The following TCF4 variants were observed in gnomAD, a reference collection of about 807,000 sequenced individuals.
TCF4 encodes the protein SL3-3 enhancer factor 2.
In TCF4, 3 loss-of-function variants were observed where a neutral mutation model predicts 82.1. That is an observed-to-expected ratio of 0.04 (90% CI 0.02 to 0.09). The LOEUF is 0.09. TCF4 is among the 10% of genes least tolerant of loss of function. The probability of loss-of-function intolerance (pLI) is 1.00; values close to 1 mark genes in which losing one functional copy is unlikely to be tolerated. For synonymous variants in TCF4, 276 were observed against 309.6 expected, an observed-to-expected ratio of 0.89 and a Z score of 1.14; for missense variants, 518 against 852.7, an observed-to-expected ratio of 0.61 and a Z score of 4.89.
At chr18:55,585,883 ACTCT>A (rs1201716716) in intron 2 of TCF4, 3 of 1,205,484 alleles carry the variant, frequency 2.5e-6, no homozygotes, top group South Asian at 2.0e-5. Context: ...TCTCACTCTC[ACTCT>A]CTCTTTCACT....
chr18:55,290,668 G>A (rs1384340256), intron 8 of TCF4, among the ~76,000 whole-genome samples: 1 of 152,058 alleles, frequency 6.6e-6, no homozygotes, highest in Non-Finnish European at 1.5e-5. Context: ...TTAGTGCTGT[G>A]TTTGTACCTA....
At chr18:55,350,463 A>T in intron 7 of TCF4, 55 bp from the exon 8 acceptor site, 1 of 1,590,402 alleles carries the variant, frequency 6.3e-7, no homozygotes, top group Non-Finnish European at 8.6e-7. Context: ...CCTAACTAAG[A>T]TAGGTTAAAC....
intron 3 of TCF4, among the ~76,000 whole-genome samples, chr18:55,534,326 C>T (rs1413187330): frequency 6.6e-6 from 1 of 152,192 alleles, no homozygotes; most frequent in Non-Finnish European, 1.5e-5. Context: ...TGCAGAGACA[C>T]ACCATAAATG....
chr18:55,521,332 G>A (rs921123115), intron 3 of TCF4, among the ~76,000 whole-genome samples: 1 of 152,150 alleles, frequency 6.6e-6, no homozygotes, highest in Non-Finnish European at 1.5e-5. Flanking sequence ...TTATGTAAAT[G>A]TTATCTTCTA....
rs187711334 is a variant in TCF4, at chr18:55,477,266, C to G, written c.146-13129G>C. Reference sequence around the variant, plus strand: ...TACCTAAACACGAGCAGACTAAAATCATTTTTCAAAAGAGGAAAAAACAAA... The same window carrying G: ...TACCTAAACACGAGCAGACTAAAATGATTTTTCAAAAGAGGAAAAAACAAA... On this transcript the variant is annotated intron_variant, in intron 3 of 19. Transcript: ENST00000354452. 2.2e-4 allele frequency among the ~76,000 whole-genome samples: 33 copies of G among 152,256 alleles called. No individual in the cohort carries two copies. In the East Asian group the frequency reaches 3.7e-3, roughly 17 times the overall value.
At chr18:55,339,428 C>T (rs941285069) in intron 8 of TCF4, among the ~76,000 whole-genome samples, 1 of 152,164 alleles carries the variant, frequency 6.6e-6, no homozygotes, top group African/African-American at 2.4e-5. Flanking sequence ...CCTTTGTAAT[C>T]CACAAGGTGG....
chr18:55,464,774 G>A (rs1372168222), intron 3 of TCF4, among the ~76,000 whole-genome samples: 1 of 151,736 alleles, frequency 6.6e-6, no homozygotes, highest in African/African-American at 2.4e-5. Flanking sequence ...CTTAATCTGG[G>A]TTTTGATATG....
chr18:55,587,560 C>T (rs1162792308), intron 1 of TCF4, among the ~76,000 whole-genome samples: 2 of 151,458 alleles, frequency 1.3e-5, no homozygotes, highest in South Asian at 2.1e-4. Context: ...ACTTTCCCCC[C>T]ACCCTGCACC....
intron 1 of TCF4, among the ~76,000 whole-genome samples, chr18:55,587,437 G>A (rs1173742788): frequency 2.4e-5 from 3 of 123,660 alleles, no homozygotes; most frequent in Non-Finnish European, 3.3e-5. Context: ...CCAAATCAGG[G>A]AAAGAAAAAA....
chr18:55,363,912 T>C (rs192138560), intron 6 of TCF4, among the ~76,000 whole-genome samples: 30 of 152,258 alleles, frequency 2.0e-4, no homozygotes, highest in Non-Finnish European at 5.9e-5. Context: ...ATACTCCTAA[T>C]AAATGAAAAG....
intron 3 of TCF4, among the ~76,000 whole-genome samples, chr18:55,499,489 T>G (rs1198691854): frequency 6.6e-6 from 1 of 152,162 alleles, no homozygotes; most frequent in Non-Finnish European, 1.5e-5. Flanking sequence ...AAACTAGACT[T>G]TTTCAGCTAA....
intron 3 of TCF4, among the ~76,000 whole-genome samples, chr18:55,578,689 G>C (rs2147733795): frequency 1.3e-5 from 2 of 152,058 alleles, no homozygotes; most frequent in South Asian, 4.2e-4. Flanking sequence ...AAGTGAAACA[G>C]GTTCTTTAAA....
At position 55,364,162 on chromosome 18, in the gene TCF4, G is replaced by A. The variant is rs549641718; in HGVS notation, c.370-13159C>T. ...TAAAATGTACTGCAGAATATTAAAA[G>A]CATATGCCTTCTGACTTAGAAGTTT... On this transcript the variant is annotated intron_variant, in intron 6 of 19. Coordinates refer to ENST00000354452, the MANE Select transcript of TCF4 (RefSeq NM_001083962.2). Among the ~76,000 whole-genome samples, 79 of 152,256 alleles carry A rather than the reference G, an allele frequency of 5.2e-4. 1 individual carries two copies. The highest frequency in any genetic ancestry group is 4.2e-3 in the Admixed American group (65 of 15,302).
intron 2 of TCF4, among the ~76,000 whole-genome samples, chr18:55,612,561 A>G (rs1016660994): frequency 1.3e-5 from 2 of 152,238 alleles, no homozygotes; most frequent in East Asian, 3.9e-4. Context: ...AAAACATGGG[A>G]AAGTGAAACA....
intron 3 of TCF4, among the ~76,000 whole-genome samples, chr18:55,537,011 G>A (rs1043173956): frequency 6.6e-6 from 1 of 151,952 alleles, no homozygotes; most frequent in Non-Finnish European, 1.5e-5. Context: ...GCGGGCGCCT[G>A]TAGTCCCAGC....
At chr18:55,377,841 C>T (rs2145774951) in intron 6 of TCF4, among the ~76,000 whole-genome samples, 1 of 152,316 alleles carries the variant, frequency 6.6e-6, no homozygotes, top group East Asian at 1.9e-4. Context: ...TGAAACAAGA[C>T]ACATTGCCAG....
At chr18:55,301,598 C>T (rs2068302780) in intron 8 of TCF4, among the ~76,000 whole-genome samples, 1 of 152,016 alleles carries the variant, frequency 6.6e-6, no homozygotes, top group Non-Finnish European at 1.5e-5. Flanking sequence ...CCCCCTATCC[C>T]ATTATATGTG....
intron 1 of TCF4, 149 bp from the exon 2 acceptor site, chr18:55,587,285 T>C (rs1156919523): frequency 2.0e-6 from 1 of 504,572 alleles, no homozygotes; most frequent in African/African-American, 2.2e-5. Context: ...GGGAGACTTG[T>C]TGTTGGGTTG....
chr18:55,559,989 G>A (rs2097340976), intron 3 of TCF4, among the ~76,000 whole-genome samples: 1 of 152,098 alleles, frequency 6.6e-6, no homozygotes, highest in African/African-American at 2.4e-5. Context: ...TAGGCCAACT[G>A]GCCTTGCCAT....
Sources: allele counts gnomAD v4.1 joint callset (sites outside exome capture counted in the v4.1 genomes callset), GRCh38; gene constraint gnomAD v4.1.1; transcripts MANE v1.5; gene names NCBI Gene and HGNC (gene_info 2026-07-23, HGNC 2026-07-21).